Variants in SLC6A14 observed in about 807,000 individuals in gnomAD.
The protein encoded by SLC6A14 is solute carrier family 6 member 14, also known as sodium- and chloride-dependent neutral and basic amino acid transporter B(0+).
A neutral mutation model predicts 51.4 loss-of-function variants in SLC6A14; 21 were observed. The observed-to-expected ratio is 0.41, with a 90% CI of 0.29 to 0.59. The LOEUF (loss-of-function observed/expected upper bound fraction) is 0.59, where lower values mean the gene tolerates loss of function less well. Ranked by LOEUF, SLC6A14 falls within the 20% of genes least tolerant of loss-of-function variation. The pLI, the probability that SLC6A14 is intolerant of heterozygous loss-of-function variation, is 0.31. For synonymous variants in SLC6A14, 177 were observed against 160.7 expected (o/e 1.10, Z -0.77); for missense variants, 371 against 472.8 (o/e 0.78, Z 2.00).
At chrX:116,439,726 T>C in intron 2 of SLC6A14, among the ~76,000 whole-genome samples, 1 of 111,150 alleles carries the variant, frequency 9.0e-6, no homozygotes, top group African/African-American at 3.3e-5. Flanking sequence ...AGTTAAACAG[T>C]TGTATTTTTT....
At chrX:116,442,575 T>A in intron 3 of SLC6A14, 112 bp from the exon 4 acceptor site, 1 of 638,455 alleles carries the variant, frequency 1.6e-6, no homozygotes, top group African/African-American at 2.3e-5. Flanking sequence ...TGAAACAGTC[T>A]TTTTTATTTT....
At chrX:116,452,131 G>C (rs1556694453) in intron 8 of SLC6A14, among the ~76,000 whole-genome samples, 1 of 111,531 alleles carries the variant, frequency 9.0e-6, no homozygotes, top group Admixed American at 9.6e-5. Context: ...TAATTATCTG[G>C]CTACAGATTC....
At position 116,441,047 on chromosome X, in the gene SLC6A14, T is replaced by A. The variant is rs1556693638; in HGVS notation, c.296T>A (p.Phe99Tyr). The change falls in exon 3 of 14, where the codon TTT becomes TAT. Residue 99 changes from phenylalanine (F) to tyrosine (Y), a missense_variant. By Grantham distance (22) the Phe-to-Tyr change is conservative. Coordinates refer to ENST00000598581, the MANE Select transcript of SLC6A14 (RefSeq NM_007231.5). ...LFFLECSLGQ[F>Y]ASLGPVSVWR... ...TTTCTGGAGTGTTCACTGGGACAAT[T>A]TGCTAGCTTAGGTCCAGTTTCAGTT... The A allele has an allele frequency of 9.1e-6, 11 of 1,210,569 alleles. No individual in the cohort carries two copies. Among genetic ancestry groups the A allele is most frequent in the Non-Finnish European group, 1.2e-5 (11 of 894,458 alleles).
At position 116,445,835 on chromosome X, in the gene SLC6A14, G is replaced by A. The variant is rs781810473; in HGVS notation, c.789+785G>A. On this transcript the variant is annotated intron_variant, in intron 6 of 13. Transcript: ENST00000598581. ...GAGGACAAGAATAACTGGGGATCTT[G>A]TCTTTGTATTCTCAGTACAATATCT... 3.2e-3 allele frequency among the ~76,000 whole-genome samples: 357 copies of A among 111,400 alleles called. 1 individual carries two copies. The highest frequency in any genetic ancestry group is 0.011 in the African/African-American group (336 of 30,727).
intron 9 of SLC6A14, among the ~76,000 whole-genome samples, 161 bp from the exon 10 acceptor site, chrX:116,454,163 G>A (rs1472421198): frequency 9.0e-6 from 1 of 111,015 alleles, no homozygotes; most frequent in Non-Finnish European, 1.9e-5. Flanking sequence ...AGTGGTGACT[G>A]CCAAAAGAAA....
intron 2 of SLC6A14, among the ~76,000 whole-genome samples, chrX:116,439,032 C>T (rs2147384261): frequency 9.0e-6 from 1 of 110,848 alleles, no homozygotes; most frequent in South Asian, 3.8e-4. Flanking sequence ...TCAGAAATCA[C>T]AGTTTTATTT....
chrX:116,437,248 A>T (rs1174906583), intron 1 of SLC6A14, among the ~76,000 whole-genome samples: 1 of 111,474 alleles, frequency 9.0e-6, no homozygotes, highest in Non-Finnish European at 1.9e-5. Context: ...GAAAAGTTAA[A>T]CTACCCTTAA....
Position 116,460,505 on chromosome X carries a change from T to C in SLC6A14, c.*1550T>C, listed in dbSNP as rs575696569. The C allele has an allele frequency of 9.2e-6, 1 of 108,758 alleles. No individual in the cohort carries two copies. Among genetic ancestry groups the C allele is most frequent in the African/African-American group, 3.3e-5 (1 of 29,884 alleles). The allele number at this position is 108,758 out of a possible 1,213,427, so 9.0% of individuals were successfully genotyped here. On this transcript the variant is annotated 3_prime_UTR_variant, in exon 14 of 14. Coordinates refer to ENST00000598581, the MANE Select transcript of SLC6A14 (RefSeq NM_007231.5). The stretch of plus-strand genomic sequence containing the variant: ...GAACCACCTCTCTAAGTTATGTACG[T>C]ATATATAAGCTGAAATTGTGTTTGA...
chrX:116,454,833 T>A (rs1927894531), intron 10 of SLC6A14, 144 bp from the exon 11 acceptor site: 1 of 457,326 alleles, frequency 2.2e-6, no homozygotes, highest in African/African-American at 2.5e-5. Flanking sequence ...TGAGTTTACA[T>A]TTGAAACATT....
rs782210216 is a variant in SLC6A14 at position 116,451,453 on chromosome X, T to C, written c.942T>C (p.Asp314=). ...ATTTTCTCTTATAGGTATGGAAAGA[T>C]GCTGCCACTCAGATATTTTACTCCC... ...TKLKEAEVWK[D]AATQIFYSLS... is the part of the protein sequence containing the mutation. Residue 314 remains aspartate, a synonymous_variant, in exon 8 of 14, where the codon GAT becomes GAC. Coordinates refer to ENST00000598581, the MANE Select transcript of SLC6A14 (RefSeq NM_007231.5). 1 of 1,200,585 alleles carries C rather than the reference T, an allele frequency of 8.3e-7. No homozygotes were observed. Among genetic ancestry groups the C allele is most frequent in the Non-Finnish European group, 1.1e-6 (1 of 886,580 alleles).
rs782595353 is a variant in SLC6A14, at chrX:116,445,019, C to G, written c.758C>G (p.Ala253Gly). Residue 253 changes from alanine (A) to glycine (G), a missense_variant, in exon 6 of 14, where the codon GCA becomes GGA. Physicochemically the swap from Ala to Gly is moderately conservative, Grantham distance 60. Coordinates refer to ENST00000598581, the MANE Select transcript of SLC6A14 (RefSeq NM_007231.5). ...CTGGCTTGGCTCATAGTTGGAGCAG[C>G]ACTATTTAAAGGAATCAAATCGTCT... is the stretch of plus-strand genomic sequence containing the variant. Reference protein sequence around the residue: ...LLLAWLIVGAALFKGIKSSGK... With the variant: ...LLLAWLIVGAGLFKGIKSSGK... 1 of 1,201,877 alleles carries G rather than the reference C, an allele frequency of 8.3e-7. No individual in the cohort carries two copies. Among genetic ancestry groups the G allele is most frequent in the Non-Finnish European group, 1.1e-6 (1 of 891,933 alleles).
In SLC6A14 at chrX:116,437,969, C is replaced by CGGGGGCG; in HGVS notation, c.214+14_214+15insGGGGGCG. The CGGGGGCG allele has an allele frequency of 4.6e-6, 5 of 1,096,512 alleles. No homozygotes were observed. The highest frequency in any genetic ancestry group is 4.9e-6 in the Non-Finnish European group (4 of 820,829). 90.4% of individuals were successfully genotyped at this position (1,096,512 alleles called of 1,213,427 possible). ...GCAATGGTGGAGGTATTCTATTTCACCCCCACCCTCCCACCCCCGCTTTTC... is the reference window on the plus strand; with the variant it reads ...GCAATGGTGGAGGTATTCTATTTCACGGGGGCGCCCCACCCTCCCACCCCCGCTTTTC... On this transcript the variant is annotated intron_variant, in intron 2 of 13. Transcript: ENST00000598581.
At chrX:116,449,197 G>A (rs1372216481) in intron 7 of SLC6A14, among the ~76,000 whole-genome samples, 1 of 111,826 alleles carries the variant, frequency 8.9e-6, no homozygotes, top group South Asian at 3.7e-4. Flanking sequence ...ATTGTACACA[G>A]CCAATTAATA....
At chrX:116,456,509 A>G (rs1353293046) in intron 12 of SLC6A14, among the ~76,000 whole-genome samples, 2 of 111,258 alleles carry the variant, frequency 1.8e-5, no homozygotes, top group Non-Finnish European at 3.8e-5. Flanking sequence ...TTGTCAACTT[A>G]GAAGGTCTAG....
intron 2 of SLC6A14, among the ~76,000 whole-genome samples, chrX:116,440,639 A>T (rs1370214446): frequency 9.0e-6 from 1 of 111,490 alleles, no homozygotes; most frequent in Non-Finnish European, 1.9e-5. Context: ...ATAACTGGTA[A>T]ATGGTCTAGC....
chrX:116,437,969 C>CGGGGGGGCGG lies in SLC6A14; in HGVS notation c.214+14_214+15insGGGGGGGCGG. 1 of 1,096,572 alleles carries CGGGGGGGCGG rather than the reference C, an allele frequency of 9.1e-7. No homozygotes were observed. Among genetic ancestry groups the CGGGGGGGCGG allele is most frequent in the Non-Finnish European group, 1.2e-6 (1 of 820,881 alleles). The allele number at this position is 1,096,572 out of a possible 1,213,427, so 90.4% of individuals were successfully genotyped here. A position where few individuals can be genotyped will look rare whatever the true frequency, so the allele number is the denominator to read the frequency against. On this transcript the variant is annotated intron_variant, in intron 2 of 13. Coordinates refer to ENST00000598581, the MANE Select transcript of SLC6A14 (RefSeq NM_007231.5). ...GCAATGGTGGAGGTATTCTATTTCA[C>CGGGGGGGCGG]CCCCACCCTCCCACCCCCGCTTTTC... is the stretch of plus-strand genomic sequence containing the variant.
chrX:116,443,908 C>T lies in SLC6A14; in HGVS notation c.656+118C>T, dbSNP rs975038985. The T allele has an allele frequency of 1.9e-5, 11 of 585,820 alleles. No homozygotes were observed. The African/African-American group carries it at 2.4e-4, about 13-fold the overall frequency. The allele number at this position is 585,820 out of a possible 1,213,427, so 48.3% of individuals were successfully genotyped here. A position where few individuals can be genotyped will look rare whatever the true frequency, so the allele number is the denominator to read the frequency against. On this transcript the variant is annotated intron_variant, in intron 5 of 13. Transcript: ENST00000598581. ...ATAAATAGAAAAAGGAAAATCAGGA[C>T]AAATTATATTTCATTTAACTCAAAT...
intron 7 of SLC6A14, among the ~76,000 whole-genome samples, chrX:116,447,601 TTTTC>T (rs1927741522): frequency 9.2e-6 from 1 of 108,808 alleles, no homozygotes; most frequent in African/African-American, 3.4e-5. Context: ...CTTTTTTTTT[TTTTC>T]TTTTTTTTTT....
At chrX:116,448,003 T>C (rs1255160826) in intron 7 of SLC6A14, among the ~76,000 whole-genome samples, 2 of 112,331 alleles carry the variant, frequency 1.8e-5, no homozygotes, top group Non-Finnish European at 3.8e-5. Flanking sequence ...ATGTTAATAT[T>C]ATCTGCCATA....
Sources: gnomAD v4.1 joint callset for allele counts (sites outside exome capture counted in the v4.1 genomes callset) on GRCh38, gnomAD v4.1.1 for gene constraint, MANE v1.5 for transcripts, NCBI Gene and HGNC (gene_info 2026-07-23, HGNC 2026-07-21) for gene names.